The following FARP1 variants were observed in gnomAD, a reference collection of about 807,000 sequenced individuals.
FARP1 encodes the protein FERM, ARHGEF and pleckstrin domain-containing protein 1.
A neutral mutation model predicts 128.8 loss-of-function variants in FARP1; 52 were observed. The ratio of observed to expected loss-of-function variants is 0.40; its 90% CI spans 0.32 to 0.51. The LOEUF (loss-of-function observed/expected upper bound fraction) is 0.51, where lower values mean the gene tolerates loss of function less well. FARP1 is among the 20% of genes least tolerant of loss of function. FARP1 has a pLI of 0.45. For synonymous variants in FARP1, 580 were observed against 551.8 expected, an observed-to-expected ratio of 1.05 and a Z score of -0.72; for missense variants, 1,333 against 1,367.9, an observed-to-expected ratio of 0.97 and a Z score of 0.40.
chr13:98,442,563 C>T (rs775731526), intron 24 of FARP1, among the ~76,000 whole-genome samples: 2 of 152,214 alleles, frequency 1.3e-5, no homozygotes, highest in African/African-American at 2.4e-5. Context: ...ATTCCCTCCC[C>T]GGGCCTCCTG....
At chr13:98,384,939 A>G (rs182492865) in intron 7 of FARP1, 95 bp downstream of exon 7, 193 of 745,702 alleles carry the variant, frequency 2.6e-4, no homozygotes, top group African/African-American at 2.1e-3. Flanking sequence ...CACACAAACT[A>G]TTGTGGAGAA....
chr13:98,375,803 AT>A (rs1359100955), intron 5 of FARP1, among the ~76,000 whole-genome samples: 1 of 151,858 alleles, frequency 6.6e-6, no homozygotes, highest in Non-Finnish European at 1.5e-5. Context: ...TAATTTTTAT[AT>A]TTTTAGTAGA....
chr13:98,278,175 G>GTA (rs1333036274), intron 2 of FARP1, among the ~76,000 whole-genome samples: 1 of 149,978 alleles, frequency 6.7e-6, no homozygotes, highest in Non-Finnish European at 1.5e-5. Flanking sequence ...GTGAGTGAGT[G>GTA]TGTGTGTGTG....
intron 24 of FARP1, 151 bp from the exon 25 acceptor site, chr13:98,445,947 T>C: frequency 1.7e-6 from 1 of 592,270 alleles, no homozygotes; most frequent in Non-Finnish European, 3.0e-6. Flanking sequence ...ACCTGCCAAG[T>C]CTCCCCACAC....
At chr13:98,216,751 T>G (rs150475300) in intron 2 of FARP1, among the ~76,000 whole-genome samples, 9 of 152,332 alleles carry the variant, frequency 5.9e-5, no homozygotes, top group East Asian at 5.8e-4. Flanking sequence ...GGCAGTTAGC[T>G]CCACGATCTT....
chr13:98,379,817 C>T (rs1230359036), intron 6 of FARP1, among the ~76,000 whole-genome samples: 1 of 152,032 alleles, frequency 6.6e-6, no homozygotes, highest in Non-Finnish European at 1.5e-5. Flanking sequence ...GGTATAGATG[C>T]AGTATTTTTT....
At chr13:98,210,151 C>G (rs1391854388) in intron 1 of FARP1, among the ~76,000 whole-genome samples, 1 of 151,968 alleles carries the variant, frequency 6.6e-6, no homozygotes, top group East Asian at 1.9e-4. Flanking sequence ...GTGACTTTTT[C>G]TCAAATGTGA....
chr13:98,336,975 G>A (rs1887771183), intron 2 of FARP1, among the ~76,000 whole-genome samples: 1 of 152,154 alleles, frequency 6.6e-6, no homozygotes, highest in Admixed American at 6.5e-5. Context: ...GGAATATTAC[G>A]ATTGAGACTG....
intron 8 of FARP1, among the ~76,000 whole-genome samples, chr13:98,386,241 G>T (rs1328999161): frequency 1.4e-5 from 2 of 143,504 alleles, no homozygotes; most frequent in Non-Finnish European, 3.0e-5. Flanking sequence ...AGCTTATTTG[G>T]TCGGGACTTC....
chr13:98,437,823 T>C, intron 19 of FARP1: 5 of 1,597,684 alleles, frequency 3.1e-6, no homozygotes, highest in Non-Finnish European at 4.2e-6. Flanking sequence ...GCGCATCCCA[T>C]GTGCTCCAGA....
rs772725645 is a variant in FARP1 at position 98,435,645 on chromosome 13, A to G, written c.2213A>G (p.Gln738Arg). 56 of 1,614,026 alleles carry G rather than the reference A, an allele frequency of 3.5e-5. No individual in the cohort carries two copies. The Admixed American group carries it at 9.3e-4, about 27-fold the overall frequency. The change falls in exon 19 of 27, where the codon CAG (glutamine) becomes CGG (arginine). Residue 738 changes from glutamine to arginine, a missense_variant. Gln to Arg is a conservative substitution (Grantham distance 43). Transcript: ENST00000319562. ...ACGATGATCAAGATGGAGAATTTCC[A>G]GAAGCTGCACGAACTCAAGAAAGAT... ...HGTMIKMENFQKLHELKKDLI... is the reference protein window; with the variant it reads ...HGTMIKMENFRKLHELKKDLI...
At chr13:98,269,077 T>C (rs562264325) in intron 2 of FARP1, among the ~76,000 whole-genome samples, 28 of 152,192 alleles carry the variant, frequency 1.8e-4, no homozygotes, top group Admixed American at 1.8e-3. Context: ...GATGGCTTTA[T>C]TGTGCAGCTA....
At chr13:98,435,739 G>A (rs376767303) in intron 19 of FARP1, 33 bp downstream of exon 19, 112 of 1,610,888 alleles carry the variant, frequency 7.0e-5, no homozygotes, top group Admixed American at 1.8e-4. Context: ...TGCACTGCGC[G>A]GGGAGCAGAA....
chr13:98,444,431 C>G (rs1364002970), intron 24 of FARP1, among the ~76,000 whole-genome samples: 1 of 152,166 alleles, frequency 6.6e-6, no homozygotes, highest in Admixed American at 6.5e-5. Flanking sequence ...GCAGGCTGGT[C>G]TGGTTCTGAA....
chr13:98,297,584 A>C (rs1385901563), intron 2 of FARP1, among the ~76,000 whole-genome samples: 1 of 152,242 alleles, frequency 6.6e-6, no homozygotes, highest in Non-Finnish European at 1.5e-5. Context: ...CCCCGTGTTT[A>C]AATGAAATTA....
intron 2 of FARP1, among the ~76,000 whole-genome samples, chr13:98,303,749 C>A (rs148933719): frequency 6.6e-6 from 1 of 152,134 alleles, no homozygotes; most frequent in African/African-American, 2.4e-5. Flanking sequence ...TTAGTAAAAT[C>A]GATATGTGTA....
rs552698918 is a variant in FARP1 at position 98,453,771 on chromosome 13, A to T, written c.*5454A>T. 8.5e-5 allele frequency: 13 copies of T among 152,398 alleles called. 1 individual carries two copies. The highest frequency in any genetic ancestry group is 8.5e-4 in the Admixed American group (13 of 15,290). The allele number at this position is 152,398 out of a possible 1,614,324, so 9.4% of individuals were successfully genotyped here. ...GTACAGAATCAGTTAAGTAAATTATACAAACTGAAATAACAGACTAAAAAT... is the reference window on the plus strand; with the variant it reads ...GTACAGAATCAGTTAAGTAAATTATTCAAACTGAAATAACAGACTAAAAAT... On this transcript the variant is annotated 3_prime_UTR_variant, in exon 27 of 27. Coordinates refer to ENST00000319562, the MANE Select transcript of FARP1 (RefSeq NM_005766.4).
At chr13:98,201,168 C>T (rs923558537) in intron 1 of FARP1, among the ~76,000 whole-genome samples, 2 of 152,198 alleles carry the variant, frequency 1.3e-5, no homozygotes, top group African/African-American at 4.8e-5. Flanking sequence ...ACAGGCTGGG[C>T]ACAGTGGTTC....
At chr13:98,238,689 C>T (rs1882590285) in intron 2 of FARP1, among the ~76,000 whole-genome samples, 1 of 152,124 alleles carries the variant, frequency 6.6e-6, no homozygotes, top group African/African-American at 2.4e-5. Context: ...AAGACCTGCC[C>T]CCATGATTCA....
Sources: allele counts gnomAD v4.1 joint callset (sites outside exome capture counted in the v4.1 genomes callset), GRCh38; gene constraint gnomAD v4.1.1; transcripts MANE v1.5; gene names NCBI Gene and HGNC (gene_info 2026-07-23, HGNC 2026-07-21).